Variants in HEATR4 observed in about 807,000 individuals in gnomAD.
HEATR4 encodes the protein HEAT repeat containing 4, also known as HEAT repeat-containing protein 4.
A neutral mutation model predicts 108.8 loss-of-function variants in HEATR4; 95 were observed. The ratio of observed to expected loss-of-function variants is 0.87; its 90% CI spans 0.74 to 1.04. HEATR4 has a LOEUF of 1.04. Among genes scored for constraint, HEATR4 ranks in the 50% least tolerant of loss-of-function variants. The probability of loss-of-function intolerance (pLI) is 0.00; values close to 1 mark genes in which losing one functional copy is unlikely to be tolerated. For missense variants in HEATR4, 1,152 were observed against 1,253.8 expected, an observed-to-expected ratio of 0.92 and a Z score of 1.23; for synonymous variants, 443 against 459.4, an observed-to-expected ratio of 0.96 and a Z score of 0.46.
At position 73,558,376 on chromosome 14, in the gene HEATR4, T is replaced by TGTTTGTTTG. The variant is rs540407880; in HGVS notation, c.-152+374_-152+375insCAAACAAAC. ...TGGTCTAATGCCTTGATTTGTTTTT[T>TGTTTGTTTG]TTTTTTTGAGACAGGGTCTCACTCT... On this transcript the variant is annotated intron_variant, in intron 1 of 17. Coordinates refer to ENST00000553558, the MANE Select transcript of HEATR4 (RefSeq NM_001220484.1). 2.2e-3 allele frequency among the ~76,000 whole-genome samples: 276 copies of TGTTTGTTTG among 127,782 alleles called. 3 individuals are homozygous for TGTTTGTTTG. The highest frequency in any genetic ancestry group is 3.1e-3 in the South Asian group (12 of 3,896). 83.8% of individuals were successfully genotyped at this position (127,782 alleles called of 152,430 possible). A position where few individuals can be genotyped will look rare whatever the true frequency, so the allele number is the denominator to read the frequency against.
the HEATR4 span, among the ~76,000 whole-genome samples, chr14:73,633,225 G>A: frequency 6.6e-6 from 1 of 152,036 alleles, no homozygotes; most frequent in African/African-American, 2.4e-5. Flanking sequence ...GGCTGGTCTC[G>A]AACTCCTGAC....
chr14:73,479,067 C>G (rs1190862024), intron 17 of HEATR4, among the ~76,000 whole-genome samples: 3 of 151,374 alleles, frequency 2.0e-5, no homozygotes, highest in Non-Finnish European at 4.4e-5. Context: ...GCCTCTGAAG[C>G]AGCTGGGATT....
the HEATR4 span, chr14:73,573,518 C>T: frequency 6.2e-7 from 1 of 1,613,514 alleles, no homozygotes; most frequent in Non-Finnish European, 8.5e-7. Context: ...ATGAAGACCT[C>T]CCCAAGACCA....
At chr14:73,619,933 T>TTC in the HEATR4 span, 1 of 1,337,850 alleles carries the variant, frequency 7.5e-7, no homozygotes. Context: ...TTTTTTTTTT[T>TTC]TCCTGTATCA....
chr14:73,630,172 T>C, the HEATR4 span, among the ~76,000 whole-genome samples: 1 of 151,906 alleles, frequency 6.6e-6, no homozygotes, highest in East Asian at 1.9e-4. Context: ...AAGCTACCAG[T>C]CTGCCTTTCT....
At chr14:73,497,854 G>T (rs1470439315) in intron 14 of HEATR4, among the ~76,000 whole-genome samples, 1 of 151,930 alleles carries the variant, frequency 6.6e-6, no homozygotes, top group Non-Finnish European at 1.5e-5. Context: ...TCAAACTCCC[G>T]ACCTCAGGTG....
Position 73,510,188 on chromosome 14 carries a change from T to C in HEATR4, c.1559-715A>G, listed in dbSNP as rs1887155251. Among the ~76,000 whole-genome samples the C allele has an allele frequency of 2.0e-5, 3 of 151,916 alleles. No individual in the cohort carries two copies. In the South Asian group the frequency reaches 6.2e-4, roughly 32 times the overall value. On this transcript the variant is annotated intron_variant, in intron 7 of 17. Coordinates refer to ENST00000553558, the MANE Select transcript of HEATR4 (RefSeq NM_001220484.1). ...GCCTTTATATTTGTAAGAACAATTA[T>C]ATTTAGGTAGTGCTTTATAATATAG...
At chr14:73,538,722 A>G (rs1265496980) in intron 1 of HEATR4, among the ~76,000 whole-genome samples, 1 of 114,058 alleles carries the variant, frequency 8.8e-6, no homozygotes, top group Non-Finnish European at 1.9e-5. Context: ...TAACACCTGT[A>G]ATCCTAGCAC....
rs1233900102 is a variant in HEATR4, at chr14:73,522,391, A to G, written c.762T>C (p.Ser254=). The G allele has an allele frequency of 6.2e-7, 1 of 1,614,148 alleles. No individual in the cohort carries two copies. Among genetic ancestry groups the G allele is most frequent in the Non-Finnish European group, 8.5e-7 (1 of 1,180,056 alleles). Residue 254 remains serine (S), a synonymous_variant, in exon 3 of 18, where the codon AGT becomes AGC. Transcript: ENST00000553558. ...CCAGCTGTTTCAGGAGCTCCAGGTC[A>G]CTGGCAGAGGTAAGCTCATCCCGAA... ...SHIRDELTSA[S]DLELLKQLEA...
intron 2 of HEATR4, among the ~76,000 whole-genome samples, chr14:73,523,971 C>T (rs964695079): frequency 1.3e-5 from 2 of 152,040 alleles, no homozygotes; most frequent in African/African-American, 4.8e-5. Context: ...ACACCTATTG[C>T]TACATAGTTT....
the HEATR4 span, among the ~76,000 whole-genome samples, chr14:73,589,763 G>A: frequency 6.6e-6 from 1 of 152,152 alleles, no homozygotes; most frequent in Admixed American, 6.6e-5. Flanking sequence ...GACCCTCGCG[G>A]AGATGTTACA....
chr14:73,500,598 C>T lies in HEATR4; in HGVS notation c.2238G>A (p.Arg746=), dbSNP rs1051154446. Residue 746 remains arginine, a synonymous_variant, in exon 12 of 18, where the codon CGG becomes CGA. Transcript: ENST00000553558. ...CACCAGCTGCCAAACAGGCTGCCCG[C>T]CGAACTGCTGTGAAGTCATCAGAGA... The part of the protein sequence containing the change: ...HCFSDDFTAV[R]RAACLAAGAL... The T allele has an allele frequency of 2.4e-5, 38 of 1,613,912 alleles. No individual in the cohort carries two copies. Among genetic ancestry groups the T allele is most frequent in the Non-Finnish European group, 3.2e-5 (38 of 1,180,028 alleles).
chr14:73,559,309 G>A (rs1016029734), upstream of HEATR4, among the ~76,000 whole-genome samples: 1 of 151,588 alleles, frequency 6.6e-6, no homozygotes, highest in Non-Finnish European at 1.5e-5. Flanking sequence ...AGTAGAGATG[G>A]GGTTTCACCA....
intron 5 of HEATR4, among the ~76,000 whole-genome samples, chr14:73,514,559 GTAA>G (rs1310186208): frequency 1.3e-5 from 2 of 152,172 alleles, no homozygotes. Context: ...ATGTTTATAT[GTAA>G]CGAGATTTGC....
rs1381416232 is a variant in HEATR4, at chr14:73,514,414, A to G, written c.1211-180T>C. Among the ~76,000 whole-genome samples the G allele has an allele frequency of 2.6e-5, 4 of 152,148 alleles. No individual in the cohort carries two copies. The South Asian group carries it at 8.3e-4, about 32-fold the overall frequency. On this transcript the variant is annotated intron_variant, in intron 5 of 17. Coordinates refer to ENST00000553558, the MANE Select transcript of HEATR4 (RefSeq NM_001220484.1). Reference sequence around the variant, plus strand: ...AGTACATGTACACAGGGAATTATGGAAAGTCCTGACTAGACATGGTAAGCC... The same window carrying G: ...AGTACATGTACACAGGGAATTATGGGAAGTCCTGACTAGACATGGTAAGCC...
At chr14:73,616,260 A>G in the HEATR4 span, among the ~76,000 whole-genome samples, 121,878 of 151,902 alleles carry the variant, frequency 0.8, 49,742 homozygotes, top group African/African-American at 0.95. Context: ...GAACCACCAC[A>G]CCTGGCCTCA....
chr14:73,522,362 G>A lies in HEATR4; in HGVS notation c.791C>T (p.Ala264Val). The change falls in exon 3 of 18, where the codon GCA (alanine) becomes GTA (valine). Residue 264 changes from alanine (A) to valine (V), a missense_variant. Ala to Val is a moderately conservative substitution (Grantham distance 64). Transcript: ENST00000553558. ...ATCCTCAAACTCTGCTGTCTCTTCTGCCTCCAGCTGTTTCAGGAGCTCCAG... is the reference window on the plus strand; with the variant it reads ...ATCCTCAAACTCTGCTGTCTCTTCTACCTCCAGCTGTTTCAGGAGCTCCAG... ...SDLELLKQLE[A>V]EETAEFEDQS... 2 of 1,614,202 alleles carry A rather than the reference G, an allele frequency of 1.2e-6. No individual in the cohort carries two copies. The highest frequency in any genetic ancestry group is 2.7e-5 in the African/African-American group (2 of 75,060).
At chr14:73,588,092 C>T in the HEATR4 span, among the ~76,000 whole-genome samples, 1 of 151,914 alleles carries the variant, frequency 6.6e-6, no homozygotes, top group African/African-American at 2.4e-5. Context: ...ACCTCTGCCT[C>T]CTGGGTTCAA....
chr14:73,490,471 C>T (rs1374099588), intron 17 of HEATR4, among the ~76,000 whole-genome samples: 1 of 152,202 alleles, frequency 6.6e-6, no homozygotes, highest in Admixed American at 6.5e-5. Flanking sequence ...CCCAGCACCA[C>T]GTCCGGCTAG....
Sources: allele counts gnomAD v4.1 joint callset (sites outside exome capture counted in the v4.1 genomes callset), GRCh38; gene constraint gnomAD v4.1.1; transcripts MANE v1.5; gene names NCBI Gene and HGNC (gene_info 2026-07-23, HGNC 2026-07-21).